Variants in ACTR3C observed in about 807,000 individuals in gnomAD.
The protein encoded by ACTR3C is actin-related protein 3C.
A neutral mutation model predicts 26.3 loss-of-function variants in ACTR3C; 18 were observed. The observed-to-expected ratio is 0.68, with a 90% CI of 0.47 to 1.01. The LOEUF is 1.01. Among genes scored for constraint, ACTR3C ranks in the 50% least tolerant of loss-of-function variants. The probability of loss-of-function intolerance (pLI) is 0.00; values close to 1 mark genes in which losing one functional copy is unlikely to be tolerated. For synonymous variants in ACTR3C, 55 were observed against 94.5 expected (o/e 0.58, Z 2.42); for missense variants, 184 against 250.7 (o/e 0.73, Z 1.80).
the ACTR3C span, among the ~76,000 whole-genome samples, chr7:149,920,788 T>C: frequency 6.6e-6 from 1 of 151,280 alleles, no homozygotes; most frequent in Non-Finnish European, 1.5e-5. Flanking sequence ...GTTTTTGAGA[T>C]GGAGTTTCAC....
the ACTR3C span, among the ~76,000 whole-genome samples, chr7:150,019,599 AAATAATAATAAT>A: frequency 2.3e-3 from 256 of 109,806 alleles, 3 homozygotes; most frequent in East Asian, 0.014. Context: ...TCAAAAATAA[AAATAATAATAAT>A]AATAATAATA....
chr7:150,173,115 C>T, the ACTR3C span, among the ~76,000 whole-genome samples: 7 of 150,566 alleles, frequency 4.6e-5, no homozygotes, highest in Non-Finnish European at 8.8e-5. Context: ...CACAGCTCTA[C>T]TGGGTGGTGC....
the ACTR3C span, among the ~76,000 whole-genome samples, chr7:150,137,771 G>A: frequency 1.4e-4 from 21 of 152,282 alleles, no homozygotes; most frequent in East Asian, 1.7e-3. Flanking sequence ...GTGTATTAGC[G>A]TGTGAAGCAT....
At chr7:150,198,982 G>C in the ACTR3C span, among the ~76,000 whole-genome samples, 5 of 133,214 alleles carry the variant, frequency 3.8e-5, no homozygotes, top group East Asian at 7.0e-4. Flanking sequence ...AGGGAGGTGG[G>C]GGGGGTCAGC....
chr7:150,041,750 A>AGG, the ACTR3C span, among the ~76,000 whole-genome samples: 36 of 34,072 alleles, frequency 1.1e-3, no homozygotes, highest in African/African-American at 3.1e-3. Context: ...CCTAAGAGCC[A>AGG]GGGGGGGGAA....
chr7:150,012,045 C>T, the ACTR3C span, among the ~76,000 whole-genome samples: 1 of 151,884 alleles, frequency 6.6e-6, no homozygotes, highest in Non-Finnish European at 1.5e-5. Context: ...TTGAGAGCAG[C>T]GATGGGGTAT....
At chr7:149,947,763 T>C in the ACTR3C span, among the ~76,000 whole-genome samples, 8 of 144,730 alleles carry the variant, frequency 5.5e-5, 1 homozygote. Context: ...GCAGCTATCC[T>C]GGGGGTTCAC....
chr7:150,050,346 G>T, the ACTR3C span, among the ~76,000 whole-genome samples: 4 of 152,214 alleles, frequency 2.6e-5, no homozygotes, highest in African/African-American at 7.2e-5. Flanking sequence ...CTTCATAGAT[G>T]TGTGCATATT....
the ACTR3C span, among the ~76,000 whole-genome samples, chr7:150,157,011 GA>G: frequency 6.6e-6 from 1 of 150,602 alleles, no homozygotes. Flanking sequence ...CACCAGAAAT[GA>G]GCTGCTGTGA....
chr7:150,138,501 A>G, the ACTR3C span, among the ~76,000 whole-genome samples: 2 of 152,252 alleles, frequency 1.3e-5, no homozygotes, highest in African/African-American at 4.8e-5. Flanking sequence ...CTTCCCTTCC[A>G]GTGCTTTACT....
At chr7:150,036,191 AG>A in the ACTR3C span, among the ~76,000 whole-genome samples, 1 of 144,298 alleles carries the variant, frequency 6.9e-6, no homozygotes, top group African/African-American at 2.5e-5. Context: ...CCCAAGAGCC[AG>A]GGGGGAAGAG....
At chr7:150,299,635 A>G (rs1795268412) in intron 1 of ACTR3C, among the ~76,000 whole-genome samples, 1 of 151,926 alleles carries the variant, frequency 6.6e-6, no homozygotes, top group Admixed American at 6.6e-5. Flanking sequence ...AAAATACAAA[A>G]ATTAGCTGGG....
chr7:150,158,909 A>G, the ACTR3C span, among the ~76,000 whole-genome samples: 2,692 of 149,542 alleles, frequency 0.018, 70 homozygotes, highest in African/African-American at 0.06. Context: ...ACACGTGCGC[A>G]CACACACGTG....
At chr7:149,903,331 T>C in the ACTR3C span, among the ~76,000 whole-genome samples, 1 of 151,922 alleles carries the variant, frequency 6.6e-6, no homozygotes, top group South Asian at 2.1e-4. Flanking sequence ...ATAGTCTGCA[T>C]AGAAAACTTT....
the ACTR3C span, among the ~76,000 whole-genome samples, chr7:150,120,878 C>A: frequency 2.0e-5 from 3 of 152,176 alleles, no homozygotes; most frequent in Non-Finnish European, 4.4e-5. Flanking sequence ...GATCAAAAAA[C>A]TTATCCACCA....
chr7:150,318,661 C>A (rs189487073), intron 1 of ACTR3C, among the ~76,000 whole-genome samples: 38 of 152,138 alleles, frequency 2.5e-4, no homozygotes, highest in Non-Finnish European at 4.4e-4. Flanking sequence ...ACTCGGGAGG[C>A]TGAGGCAGAA....
At chr7:150,037,883 G>T in the ACTR3C span, among the ~76,000 whole-genome samples, 1 of 128,220 alleles carries the variant, frequency 7.8e-6, no homozygotes, top group Non-Finnish European at 1.7e-5. Context: ...TAAGAGCAAA[G>T]GGGGGAAGAG....
chr7:149,882,499 C>T, the ACTR3C span, among the ~76,000 whole-genome samples: 1 of 151,864 alleles, frequency 6.6e-6, no homozygotes, highest in African/African-American at 2.4e-5. Context: ...CATCTTCCAT[C>T]CTTCCTTCCT....
chr7:149,961,053 C>T, the ACTR3C span, among the ~76,000 whole-genome samples: 1 of 151,080 alleles, frequency 6.6e-6, no homozygotes, highest in Non-Finnish European at 1.5e-5. Context: ...AGGAAGTGCA[C>T]TGAGAGGAAG....
Sources: allele counts gnomAD v4.1 joint callset (sites outside exome capture counted in the v4.1 genomes callset), GRCh38; gene constraint gnomAD v4.1.1; transcripts MANE v1.5; gene names NCBI Gene and HGNC (gene_info 2026-07-23, HGNC 2026-07-21).